NT5DC4: variants seen among roughly 807,000 people sequenced by gnomAD.
NT5DC4 encodes the protein 5'-nucleotidase domain containing 4.
Under a neutral mutation model 26.6 loss-of-function variants are expected in NT5DC4, and 44 were observed. The ratio of observed to expected loss-of-function variants is 1.65; its 90% CI spans 1.30 to 2.13. The LOEUF is 2.13. NT5DC4 is among the 30% of genes most tolerant of loss of function. The pLI is 0.00. For synonymous variants in NT5DC4, 157 were observed against 86.7 expected (o/e 1.81, Z -4.51); for missense variants, 399 against 228.1 (o/e 1.75, Z -4.83).
upstream of NT5DC4, among the ~76,000 whole-genome samples, chr2:112,719,974 C>CTT (rs796607963): frequency 3.1e-4 from 25 of 79,708 alleles, no homozygotes; most frequent in Non-Finnish European, 6.1e-4. Flanking sequence ...TTCTTTCTTT[C>CTT]TTTCTTTCTT....
Position 112,724,825 on chromosome 2 carries a change from C to T in NT5DC4, c.834C>T (p.Ile278=), listed in dbSNP as rs1013605901. The part of the protein sequence containing the change: ...GRPWRSYFDL[I]VVDTQKPHFF... ...CCTGGAGGTCCTACTTTGACCTGAT[C>T]GTGGTGGACACGCAGAAGCCCCACT... Residue 278 remains isoleucine, a synonymous_variant, in exon 11 of 17, where the codon ATC becomes ATT. Transcript: ENST00000688554. The T allele has an allele frequency of 9.8e-6, 7 of 717,214 alleles. No individual in the cohort carries two copies. Among genetic ancestry groups the T allele is most frequent in the Middle Eastern group, 2.3e-4 (1 of 4,360 alleles). 44.4% of individuals were successfully genotyped at this position (717,214 alleles called of 1,614,324 possible). A position where few individuals can be genotyped will look rare whatever the true frequency, so the allele number is the denominator to read the frequency against.
chr2:112,720,363 C>T (rs1316808246), upstream of NT5DC4, among the ~76,000 whole-genome samples: 1 of 152,112 alleles, frequency 6.6e-6, no homozygotes, highest in East Asian at 1.9e-4. Flanking sequence ...TGTGCCCAGC[C>T]TTGTCTTTCT....
chr2:112,722,411 G>T (rs1302825531), intron 4 of NT5DC4, 72 bp from the exon 5 acceptor site: 1 of 715,040 alleles, frequency 1.4e-6, no homozygotes. Context: ...GATGCGTGGT[G>T]GTTGGAAGGG....
chr2:112,725,059 T>A (rs1239012316), intron 11 of NT5DC4, 115 bp from the exon 12 acceptor site: 1 of 651,920 alleles, frequency 1.5e-6, no homozygotes, highest in Admixed American at 2.3e-5. Context: ...TGCTGCCTCC[T>A]TCCTCCCACA....
upstream of NT5DC4, among the ~76,000 whole-genome samples, chr2:112,720,387 C>T (rs1238477553): frequency 1.3e-5 from 2 of 152,052 alleles, no homozygotes; most frequent in Non-Finnish European, 2.9e-5. Context: ...TAAAAGAGGG[C>T]CTGGCACTTC....
chr2:112,723,952 G>A lies in NT5DC4; in HGVS notation c.757-142G>A, dbSNP rs544726518. The A allele has an allele frequency of 2.4e-5, 17 of 694,270 alleles. 1 individual carries two copies. The South Asian group carries it at 2.6e-4, about 11-fold the overall frequency. The allele number at this position is 694,270 out of a possible 1,614,324, so 43.0% of individuals were successfully genotyped here. A position where few individuals can be genotyped will look rare whatever the true frequency, so the allele number is the denominator to read the frequency against. Reference sequence around the variant, plus strand: ...CTGGTCTCCTGGACTCCATTTCTTGGCCTTTCAAGGCCTCAGAAGAATGAG... The same window carrying A: ...CTGGTCTCCTGGACTCCATTTCTTGACCTTTCAAGGCCTCAGAAGAATGAG... On this transcript the variant is annotated intron_variant, in intron 9 of 16. Coordinates refer to ENST00000688554, the MANE Select transcript of NT5DC4 (RefSeq NM_001393655.1).
In NT5DC4 at chr2:112,736,453, A is replaced by G. The variant is rs984412433; in HGVS notation, c.1345-2460A>G. On this transcript the variant is annotated intron_variant, in intron 16 of 16. Transcript: ENST00000688554. ...GGCTGCTATAGTGAAGCAGATTAAC[A>G]TTATCATCTCAGTTTTTTTGTGATA... Among the ~76,000 whole-genome samples the G allele has an allele frequency of 2.1e-5, 3 of 142,784 alleles. No individual in the cohort carries two copies. The East Asian group carries it at 5.8e-4, about 27-fold the overall frequency. 93.7% of individuals were successfully genotyped at this position (142,784 alleles called of 152,430 possible). A position where few individuals can be genotyped will look rare whatever the true frequency, so the allele number is the denominator to read the frequency against.
At chr2:112,739,512 G>A (rs931992477), downstream of NT5DC4, among the ~76,000 whole-genome samples, 4 of 152,206 alleles carry the variant, frequency 2.6e-5, no homozygotes, top group African/African-American at 9.7e-5. Flanking sequence ...ATTGAATGAA[G>A]TATGAAGTGT....
intron 15 of NT5DC4, among the ~76,000 whole-genome samples, chr2:112,729,160 C>T (rs973136233): frequency 6.6e-6 from 1 of 152,102 alleles, no homozygotes; most frequent in African/African-American, 2.4e-5. Context: ...TCTAGCTCTG[C>T]TGCCCAGGCT....
At position 112,725,257 on chromosome 2, in the gene NT5DC4, T is replaced by C; in HGVS notation, c.982+17T>C. 1 of 706,296 alleles carries C rather than the reference T, an allele frequency of 1.4e-6. No homozygotes were observed. Among genetic ancestry groups the C allele is most frequent in the Non-Finnish European group, 2.7e-6 (1 of 376,138 alleles). The allele number at this position is 706,296 out of a possible 1,614,324, so 43.8% of individuals were successfully genotyped here. A position where few individuals can be genotyped will look rare whatever the true frequency, so the allele number is the denominator to read the frequency against. ...ACTCTGGAGGTACCAGCTCCCACCA[T>C]GCCCCATCACTCCTTGGGCACCCTC... On this transcript the variant is annotated intron_variant, in intron 12 of 16. Coordinates refer to ENST00000688554, the MANE Select transcript of NT5DC4 (RefSeq NM_001393655.1).
At chr2:112,740,015 T>A (rs1679786655), downstream of NT5DC4, among the ~76,000 whole-genome samples, 1 of 152,148 alleles carries the variant, frequency 6.6e-6, no homozygotes, top group Non-Finnish European at 1.5e-5. Flanking sequence ...AGTGCAATGG[T>A]GCAATCTTGG....
Position 112,728,904 on chromosome 2 carries a change from A to G in NT5DC4, c.1267-723A>G, listed in dbSNP as rs1008442428. 1.5e-4 allele frequency among the ~76,000 whole-genome samples: 23 copies of G among 152,062 alleles called. 1 individual carries two copies. The highest frequency in any genetic ancestry group is 1.4e-3 in the Admixed American group (21 of 15,258). ...CACTGTGCTGCCACACACATGGGGGAACTGGCTTTCACCGGGCGGCCTCAT... is the reference window on the plus strand; with the variant it reads ...CACTGTGCTGCCACACACATGGGGGGACTGGCTTTCACCGGGCGGCCTCAT... On this transcript the variant is annotated intron_variant, in intron 15 of 16. Transcript: ENST00000688554.
intron 14 of NT5DC4, 43 bp downstream of exon 14, chr2:112,726,332 G>C (rs549983402): frequency 2.8e-6 from 2 of 717,010 alleles, no homozygotes; most frequent in African/African-American, 3.5e-5. Context: ...GGCAGGGAGA[G>C]GTATGGAGGG....
chr2:112,739,423 A>G (rs1679701585), downstream of NT5DC4, among the ~76,000 whole-genome samples: 1 of 152,182 alleles, frequency 6.6e-6, no homozygotes, highest in Non-Finnish European at 1.5e-5. Flanking sequence ...CCCAGTCTCA[A>G]AAAAAAGGCT....
chr2:112,729,107 A>T (rs1334525072), intron 15 of NT5DC4, among the ~76,000 whole-genome samples: 1 of 151,970 alleles, frequency 6.6e-6, no homozygotes, highest in East Asian at 1.9e-4. Flanking sequence ...AAGAAATTTG[A>T]CCTTGCCAAT....
At chr2:112,719,924 C>CTTTTTCTTTCTT (rs758520099), upstream of NT5DC4, among the ~76,000 whole-genome samples, 3 of 69,124 alleles carry the variant, frequency 4.3e-5, no homozygotes, top group African/African-American at 2.0e-4. Context: ...TTCTTTCTTT[C>CTTTTTCTTTCTT]TCTTTCTTTC....
chr2:112,720,793 T>A (rs4849115), upstream of NT5DC4, among the ~76,000 whole-genome samples: 53,079 of 152,126 alleles, frequency 0.35, 11,227 homozygotes, highest in East Asian at 0.69. Flanking sequence ...TCCAGGCCGC[T>A]GAGGTCCATG....
At chr2:112,733,618 C>G (rs1678735322) in intron 16 of NT5DC4, among the ~76,000 whole-genome samples, 1 of 152,184 alleles carries the variant, frequency 6.6e-6, no homozygotes, top group Non-Finnish European at 1.5e-5. Flanking sequence ...AGGCTGCCTC[C>G]AAGGGATGGT....
chr2:112,738,509 T>G, intron 16 of NT5DC4: 1 of 259,698 alleles, frequency 3.9e-6, no homozygotes, highest in Non-Finnish European at 7.4e-6. Context: ...GGACCAACCT[T>G]CTGATATAAA....
Sources: gnomAD v4.1 joint callset for allele counts (sites outside exome capture counted in the v4.1 genomes callset) on GRCh38, gnomAD v4.1.1 for gene constraint, MANE v1.5 for transcripts, NCBI Gene and HGNC (gene_info 2026-07-23, HGNC 2026-07-21) for gene names.